KCNH1: variants seen among roughly 807,000 people sequenced by gnomAD.
The protein encoded by KCNH1 is potassium voltage-gated channel subfamily H member 1.
A neutral mutation model predicts 69.2 loss-of-function variants in KCNH1; 27 were observed. That is an observed-to-expected ratio of 0.39 (90% CI 0.29 to 0.54). KCNH1 has a LOEUF of 0.54. Among genes scored for constraint, KCNH1 ranks in the 20% least tolerant of loss-of-function variants. The probability of loss-of-function intolerance (pLI) is 0.68; values close to 1 mark genes in which losing one functional copy is unlikely to be tolerated. For synonymous variants in KCNH1, 456 were observed against 487.7 expected (o/e 0.93, Z 0.86); for missense variants, 798 against 1,261.6 (o/e 0.63, Z 5.57).
chr1:210,766,716 T>G (rs1398936407), intron 10 of KCNH1, among the ~76,000 whole-genome samples: 1 of 152,178 alleles, frequency 6.6e-6, no homozygotes, highest in Non-Finnish European at 1.5e-5. Flanking sequence ...TTAAGTGACA[T>G]TAGTAAAAAG....
intron 6 of KCNH1, among the ~76,000 whole-genome samples, chr1:211,016,938 A>G: frequency 6.6e-6 from 1 of 151,762 alleles, no homozygotes; most frequent in South Asian, 2.1e-4. Flanking sequence ...AAATTAAAAA[A>G]AAAAATTCTC....
intron 5 of KCNH1, among the ~76,000 whole-genome samples, chr1:211,041,843 C>T (rs912968000): frequency 6.6e-6 from 1 of 152,150 alleles, no homozygotes; most frequent in Non-Finnish European, 1.5e-5. Flanking sequence ...CAACCTCTGC[C>T]TCCCGGGTTC....
At chr1:210,892,040 C>T (rs76386489) in intron 7 of KCNH1, among the ~76,000 whole-genome samples, 1 of 152,020 alleles carries the variant, frequency 6.6e-6, no homozygotes, top group Non-Finnish European at 1.5e-5. Context: ...GGGAGAGGAA[C>T]ATCACACACT....
chr1:210,871,011 A>C (rs1211643425), intron 7 of KCNH1, among the ~76,000 whole-genome samples: 1 of 152,208 alleles, frequency 6.6e-6, no homozygotes, highest in Non-Finnish European at 1.5e-5. Context: ...TATATTCTGC[A>C]TATCTCATGG....
chr1:211,097,693 T>A (rs1470414861), intron 3 of KCNH1, among the ~76,000 whole-genome samples: 1 of 152,236 alleles, frequency 6.6e-6, no homozygotes, highest in Non-Finnish European at 1.5e-5. Flanking sequence ...CCACCGGGTC[T>A]GGCATAGTGC....
intron 10 of KCNH1, among the ~76,000 whole-genome samples, chr1:210,712,307 G>A (rs1014093626): frequency 4.6e-5 from 7 of 152,114 alleles, no homozygotes; most frequent in Non-Finnish European, 5.9e-5. Context: ...AAGGGTCATT[G>A]AGCCCATGTG....
At chr1:210,956,301 T>G (rs1413365263) in intron 6 of KCNH1, among the ~76,000 whole-genome samples, 1 of 152,236 alleles carries the variant, frequency 6.6e-6, no homozygotes, top group African/African-American at 2.4e-5. Context: ...GGATTCGGTT[T>G]GCCAGTATTT....
At chr1:210,754,472 A>G (rs560852653) in intron 10 of KCNH1, among the ~76,000 whole-genome samples, 8 of 152,220 alleles carry the variant, frequency 5.3e-5, no homozygotes, top group African/African-American at 1.9e-4. Flanking sequence ...TCATGTTGAA[A>G]TGTAATTCCC....
chr1:211,004,333 C>T (rs978937840), intron 6 of KCNH1, among the ~76,000 whole-genome samples: 12 of 151,956 alleles, frequency 7.9e-5, no homozygotes, highest in African/African-American at 1.9e-4. Flanking sequence ...AACAGATATA[C>T]GTATCGATGC....
At chr1:211,034,005 G>A (rs930775772) in intron 5 of KCNH1, among the ~76,000 whole-genome samples, 9 of 151,984 alleles carry the variant, frequency 5.9e-5, no homozygotes, top group African/African-American at 7.2e-5. Context: ...AAAATGGTGC[G>A]GGCACTCCAG....
intron 10 of KCNH1, among the ~76,000 whole-genome samples, chr1:210,741,375 G>T (rs1252048220): frequency 6.6e-6 from 1 of 152,126 alleles, no homozygotes; most frequent in Non-Finnish European, 1.5e-5. Context: ...CAAGAGGAGT[G>T]CAGGAGGACC....
chr1:210,692,060 C>G (rs1050567846), intron 10 of KCNH1, among the ~76,000 whole-genome samples: 10 of 152,228 alleles, frequency 6.6e-5, no homozygotes, highest in African/African-American at 2.4e-4. Context: ...TCCACTGGCT[C>G]TCAGCACACT....
At chr1:210,830,160 G>A (rs1685127265) in intron 7 of KCNH1, among the ~76,000 whole-genome samples, 1 of 152,048 alleles carries the variant, frequency 6.6e-6, no homozygotes, top group African/African-American at 2.4e-5. Context: ...CTCAAGCTTT[G>A]TTGTCTCTCT....
chr1:210,701,249 T>A (rs1180504773), intron 10 of KCNH1, among the ~76,000 whole-genome samples: 7 of 152,140 alleles, frequency 4.6e-5, no homozygotes, highest in Admixed American at 1.3e-4. Context: ...TTTTATTTTT[T>A]TGGTAGGAGA....
Position 211,033,975 on chromosome 1 carries a change from T to C in KCNH1, c.559-14719A>G, listed in dbSNP as rs184850779. Among the ~76,000 whole-genome samples, 372 of 152,164 alleles carry C rather than the reference T, an allele frequency of 2.4e-3. 4 individuals are homozygous for C. Among genetic ancestry groups the C allele is most frequent in the African/African-American group, 8.2e-3 (342 of 41,522 alleles). On this transcript the variant is annotated intron_variant, in intron 5 of 10. Coordinates refer to ENST00000271751, the MANE Select transcript of KCNH1 (RefSeq NM_172362.3). ...GAATGCAGATAAACTAGATCATTCA[T>C]ATATTCTTAGTAGGAATGTAAAATG...
At chr1:210,714,155 T>C (rs1405397025) in intron 10 of KCNH1, among the ~76,000 whole-genome samples, 1 of 152,176 alleles carries the variant, frequency 6.6e-6, no homozygotes, top group Non-Finnish European at 1.5e-5. Context: ...CTCTGGGCTG[T>C]AGACTTGCAT....
In KCNH1 at chr1:210,740,313, C is replaced by T. The variant is rs184450561; in HGVS notation, c.2112+35035G>A. 2.2e-3 allele frequency among the ~76,000 whole-genome samples: 334 copies of T among 152,242 alleles called. 10 individuals carry two copies. The highest frequency in any genetic ancestry group is 0.021 in the Admixed American group (326 of 15,296). On this transcript the variant is annotated intron_variant, in intron 10 of 10. Transcript: ENST00000271751. ...AAATACAGTTACAAAATCAACTCTC[C>T]GATAAAGCTCTTTTCATTCCCTCCT...
intron 10 of KCNH1, among the ~76,000 whole-genome samples, chr1:210,694,629 C>A (rs183102202): frequency 1.3e-5 from 2 of 152,226 alleles, no homozygotes; most frequent in Non-Finnish European, 2.9e-5. Context: ...AGGCCCTAGT[C>A]CCAGGCCCCC....
intron 10 of KCNH1, among the ~76,000 whole-genome samples, chr1:210,711,977 A>G (rs1032296290): frequency 6.6e-6 from 1 of 152,192 alleles, no homozygotes; most frequent in Non-Finnish European, 1.5e-5. Flanking sequence ...ATTGTCCACA[A>G]CGGCAGAAGG....
Sources: gnomAD v4.1 joint callset for allele counts (sites outside exome capture counted in the v4.1 genomes callset) on GRCh38, gnomAD v4.1.1 for gene constraint, MANE v1.5 for transcripts, NCBI Gene and HGNC (gene_info 2026-07-23, HGNC 2026-07-21) for gene names.